DEF6: variants seen among roughly 807,000 people sequenced by gnomAD.
The protein encoded by DEF6 is DEF6 guanine nucleotide exchange factor.
Under a neutral mutation model 80.5 loss-of-function variants are expected in DEF6, and 32 were observed. That is an observed-to-expected ratio of 0.40 (90% CI 0.30 to 0.53). DEF6 has a LOEUF of 0.53. DEF6 is among the 20% of genes least tolerant of loss of function. DEF6 has a pLI of 0.57. For synonymous variants in DEF6, 300 were observed against 337.9 expected (o/e 0.89, Z 1.23); for missense variants, 575 against 818.7 (o/e 0.70, Z 3.63).
chr6:35,303,403 A>C (rs1791343139), intron 1 of DEF6, among the ~76,000 whole-genome samples: 1 of 152,162 alleles, frequency 6.6e-6, no homozygotes, highest in Non-Finnish European at 1.5e-5. Context: ...TAATATGCTC[A>C]CTGGGATTTA....
At chr6:35,300,096 A>T (rs533666259) in intron 1 of DEF6, among the ~76,000 whole-genome samples, 36 of 152,304 alleles carry the variant, frequency 2.4e-4, no homozygotes, top group Non-Finnish European at 4.4e-4. Context: ...GTCATAGCTC[A>T]CGACAGCCTC....
Position 35,318,028 on chromosome 6 carries a change from G to C in DEF6, c.916+29G>C. On this transcript the variant is annotated intron_variant, in intron 6 of 10. Transcript: ENST00000316637. The surrounding 1 kb of genome is among the most constrained non-coding windows in gnomAD (Gnocchi z 5.1). Reference sequence around the variant, plus strand: ...AGTGCTCGCTAGGTGGCTTGGGTCTGGGTGGTCCTTAGGCGCCTCATCTGT... The same window carrying C: ...AGTGCTCGCTAGGTGGCTTGGGTCTCGGTGGTCCTTAGGCGCCTCATCTGT... 6.3e-7 allele frequency: 1 copy of C among 1,599,424 alleles called. No homozygotes were observed. The highest frequency in any genetic ancestry group is 2.3e-5 in the East Asian group (1 of 44,378).
intron 1 of DEF6, among the ~76,000 whole-genome samples, chr6:35,303,482 A>T (rs901717825): frequency 6.6e-6 from 1 of 152,188 alleles, no homozygotes; most frequent in Non-Finnish European, 1.5e-5. Context: ...CATTCAAGAG[A>T]TACTTAATGA....
At chr6:35,306,984 A>C (rs943974613) in intron 1 of DEF6, among the ~76,000 whole-genome samples, 1 of 152,230 alleles carries the variant, frequency 6.6e-6, no homozygotes, top group African/African-American at 2.4e-5. Flanking sequence ...GGTTCCTGAC[A>C]TGGTATACCT....
chr6:35,311,114 C>T (rs770843309), intron 3 of DEF6, among the ~76,000 whole-genome samples: 7 of 152,134 alleles, frequency 4.6e-5, no homozygotes, highest in Non-Finnish European at 1.0e-4. Flanking sequence ...AAAGCCAGGA[C>T]AAACTCAGCT....
Position 35,312,503 on chromosome 6 carries a change from G to T in DEF6, c.625G>T (p.Val209Phe). Residue 209 changes from valine to phenylalanine, a missense_variant, in exon 4 of 11, where the codon GTC becomes TTC. Physicochemically the swap from Val to Phe is conservative, Grantham distance 50. Coordinates refer to ENST00000316637, the MANE Select transcript of DEF6 (RefSeq NM_022047.4). This position sits in a 1 kb window ranked among gnomAD's most constrained non-coding sequence, Gnocchi z 6.6. ...RDTLSMAIHEVYQELIQDVLK... is the reference protein window; with the variant it reads ...RDTLSMAIHEFYQELIQDVLK... ...CACCCTCAGCATGGCCATCCACGAG[G>T]TCTACCAGGAGCTCATCCAAGATGT... 6.2e-7 allele frequency: 1 copy of T among 1,614,176 alleles called. No individual in the cohort carries two copies. The highest frequency in any genetic ancestry group is 8.5e-7 in the Non-Finnish European group (1 of 1,180,048).
At chr6:35,299,055 A>C (rs1209412665) in intron 1 of DEF6, among the ~76,000 whole-genome samples, 1 of 152,112 alleles carries the variant, frequency 6.6e-6, no homozygotes, top group African/African-American at 2.4e-5. Flanking sequence ...TACTTTACTG[A>C]ACTTGGATGT....
At chr6:35,315,098 C>G (rs980860302) in intron 5 of DEF6, among the ~76,000 whole-genome samples, 1 of 152,154 alleles carries the variant, frequency 6.6e-6, no homozygotes, top group Non-Finnish European at 1.5e-5. Flanking sequence ...GGATTTATAT[C>G]TAGGTTATCT....
chr6:35,310,543 A>G lies in DEF6; in HGVS notation c.322A>G (p.Asn108Asp), dbSNP rs1791454608. The G allele has an allele frequency of 6.2e-7, 1 of 1,614,034 alleles. No homozygotes were observed. Among genetic ancestry groups the G allele is most frequent in the Non-Finnish European group, 8.5e-7 (1 of 1,180,046 alleles). ...TAKKNYRADS[N>D]GNSMLSNQDA... ...CAAGAAGAACTATCGGGCAGATAGC[A>G]ACGGGAACAGTATGCTCTCCAATCA... The change falls in exon 3 of 11, where the codon AAC becomes GAC. Residue 108 changes from asparagine (N) to aspartate (D), a missense_variant. Coordinates refer to ENST00000316637, the MANE Select transcript of DEF6 (RefSeq NM_022047.4).
chr6:35,319,718 T>C lies in DEF6; in HGVS notation c.1382+28T>C. ...AGGCCTGAGGAACCTCTTCTGGTTC[T>C]CTCACCACCCCTCCTGGAACACACC... On this transcript the variant is annotated intron_variant, in intron 8 of 10. Transcript: ENST00000316637. The surrounding 1 kb of genome is among the most constrained non-coding windows in gnomAD (Gnocchi z 4.5). 1 of 1,607,378 alleles carries C rather than the reference T, an allele frequency of 6.2e-7. No individual in the cohort carries two copies. Among genetic ancestry groups the C allele is most frequent in the Non-Finnish European group, 8.5e-7 (1 of 1,175,300 alleles).
At chr6:35,301,884 G>A (rs1168379752) in intron 1 of DEF6, among the ~76,000 whole-genome samples, 3 of 152,080 alleles carry the variant, frequency 2.0e-5, no homozygotes, top group East Asian at 1.9e-4. Flanking sequence ...CCACCACCAC[G>A]CCCAGCTAAT....
At chr6:35,315,361 T>G (rs936830124) in intron 5 of DEF6, among the ~76,000 whole-genome samples, 1 of 152,180 alleles carries the variant, frequency 6.6e-6, no homozygotes, top group Non-Finnish European at 1.5e-5. Flanking sequence ...CAGTTCGTAG[T>G]GTATTTTGAA....
At chr6:35,304,379 AG>A (rs1791364895) in intron 1 of DEF6, among the ~76,000 whole-genome samples, 1 of 152,218 alleles carries the variant, frequency 6.6e-6, no homozygotes, top group Non-Finnish European at 1.5e-5. Context: ...TTCCCTGAGA[AG>A]GTGTCATCTA....
chr6:35,305,502 CAA>C (rs1445141913), intron 1 of DEF6, among the ~76,000 whole-genome samples: 1 of 151,708 alleles, frequency 6.6e-6, no homozygotes, highest in African/African-American at 2.4e-5. Context: ...AATAAATAAA[CAA>C]AAATAAAAAT....
In DEF6 at chr6:35,318,720, T is replaced by G. The variant is rs1036449660; in HGVS notation, c.1215+249T>G. On this transcript the variant is annotated intron_variant, in intron 7 of 10. Coordinates refer to ENST00000316637, the MANE Select transcript of DEF6 (RefSeq NM_022047.4). This position sits in a 1 kb window ranked among gnomAD's most constrained non-coding sequence, Gnocchi z 5.1. ...GGGTGTGGGGCGAGGTCCGAGCCCG[T>G]GGATGGATGGGGCCTGGTTCGGAGA... 7.3e-5 allele frequency among the ~76,000 whole-genome samples: 11 copies of G among 151,082 alleles called. No individual in the cohort carries two copies. Among genetic ancestry groups the G allele is most frequent in the African/African-American group, 2.7e-4 (11 of 41,036 alleles).
rs201800476 is a variant in DEF6, at chr6:35,319,659, G to A, written c.1351G>A (p.Asp451Asn). The stretch of plus-strand genomic sequence containing the variant: ...GCAACTAGAGGTGAAAGCTCGGCGA[G>A]ATGAAGAATCTGTGCGAATCGCTCA... ...ALQLEVKARR[D>N]EESVRIAQTR... is the part of the protein sequence containing the mutation. Residue 451 changes from aspartate (D) to asparagine (N), a missense_variant, in exon 8 of 11, where the codon GAT (aspartate) becomes AAT (asparagine). Transcript: ENST00000316637. The surrounding 1 kb of genome is among the most constrained non-coding windows in gnomAD (Gnocchi z 4.5). The A allele has an allele frequency of 5.6e-6, 9 of 1,613,432 alleles. No homozygotes were observed. The highest frequency in any genetic ancestry group is 7.6e-6 in the Non-Finnish European group (9 of 1,179,622).
intron 1 of DEF6, among the ~76,000 whole-genome samples, chr6:35,306,668 G>A (rs1483955306): frequency 1.3e-5 from 2 of 152,236 alleles, no homozygotes; most frequent in Admixed American, 6.5e-5. Flanking sequence ...TGAAATACTA[G>A]TTTCATATAA....
At chr6:35,315,921 C>T (rs536392671) in intron 5 of DEF6, among the ~76,000 whole-genome samples, 11 of 144,104 alleles carry the variant, frequency 7.6e-5, no homozygotes, top group South Asian at 2.2e-4. Context: ...TGCAATGGCA[C>T]GATCTCAGCT....
chr6:35,299,347 C>T (rs1291934264), intron 1 of DEF6, among the ~76,000 whole-genome samples: 3 of 152,040 alleles, frequency 2.0e-5, no homozygotes, highest in Non-Finnish European at 4.4e-5. Context: ...CCCACCCTGT[C>T]CCTTTAATAT....
Sources: allele counts gnomAD v4.1 joint callset (sites outside exome capture counted in the v4.1 genomes callset), GRCh38; gene constraint gnomAD v4.1.1; non-coding constraint Gnocchi (gnomAD v3.1); transcripts MANE v1.5; gene names NCBI Gene and HGNC (gene_info 2026-07-23, HGNC 2026-07-21).